Variants in MAGI1 observed in about 807,000 individuals in gnomAD.
MAGI1 encodes membrane-associated guanylate kinase, WW and PDZ domain-containing protein 1.
Under a neutral mutation model 139.9 loss-of-function variants are expected in MAGI1, and 58 were observed. That is an observed-to-expected ratio of 0.41 (90% confidence interval 0.34 to 0.52). The LOEUF (loss-of-function observed/expected upper bound fraction) is 0.52, where lower values mean the gene tolerates loss of function less well. Ranked by LOEUF, MAGI1 falls within the 20% of genes least tolerant of loss-of-function variation. The pLI, the probability that MAGI1 is intolerant of heterozygous loss-of-function variation, is 0.12. For synonymous variants in MAGI1, 812 were observed against 737.9 expected, an observed-to-expected ratio of 1.10 and a Z score of -1.63; for missense variants, 1,874 against 1,901.6, an observed-to-expected ratio of 0.99 and a Z score of 0.27.
At chr3:65,700,531 T>C in intron 1 of MAGI1, among the ~76,000 whole-genome samples, 2 of 152,338 alleles carry the variant, frequency 1.3e-5, no homozygotes, top group East Asian at 3.9e-4. Context: ...TTTTGAATAG[T>C]AATCATACAT....
intron 18 of MAGI1, among the ~76,000 whole-genome samples, chr3:65,368,907 T>C (rs1941701996): frequency 1.3e-5 from 2 of 152,230 alleles, no homozygotes; most frequent in Non-Finnish European, 2.9e-5. Context: ...TTCAATCTGA[T>C]GGTTCCATGT....
intron 2 of MAGI1, among the ~76,000 whole-genome samples, chr3:65,504,207 A>G (rs1031981472): frequency 2.6e-5 from 4 of 152,208 alleles, no homozygotes; most frequent in African/African-American, 4.8e-5. Flanking sequence ...TCTGTAAAAC[A>G]AAAAGGGTAA....
chr3:66,037,833 A>G (rs548800201), intron 1 of MAGI1, among the ~76,000 whole-genome samples, 163 bp downstream of exon 1: 1 of 152,076 alleles, frequency 6.6e-6, no homozygotes, highest in South Asian at 2.1e-4. Context: ...ACAACCCTCA[A>G]CCTCGCAACA....
At chr3:65,699,539 A>C (rs1576789727) in intron 1 of MAGI1, among the ~76,000 whole-genome samples, 2 of 144,118 alleles carry the variant, frequency 1.4e-5, no homozygotes, top group African/African-American at 5.3e-5. Context: ...ATGGAATACT[A>C]TGCAGCCATA....
chr3:66,019,171 G>A (rs1345931179), intron 1 of MAGI1, among the ~76,000 whole-genome samples: 7 of 152,206 alleles, frequency 4.6e-5, no homozygotes, highest in Admixed American at 4.6e-4. Flanking sequence ...ATGGTGATGA[G>A]AGCTAAGAAG....
At chr3:65,691,176 G>A (rs532421527) in intron 1 of MAGI1, among the ~76,000 whole-genome samples, 4 of 151,960 alleles carry the variant, frequency 2.6e-5, no homozygotes, top group South Asian at 2.1e-4. Flanking sequence ...GGTGGCGGGC[G>A]CCTGTAGTCC....
intron 1 of MAGI1, among the ~76,000 whole-genome samples, chr3:65,735,869 C>T (rs936442794): frequency 6.6e-6 from 1 of 152,222 alleles, no homozygotes; most frequent in African/African-American, 2.4e-5. Flanking sequence ...AAGCACTTTA[C>T]AGGCACCATG....
In MAGI1 at chr3:65,946,538, C is replaced by A. The variant is rs117610346; in HGVS notation, c.313+91458G>T. ...GGGTGGCAATGACTTTCAGCATGGA[C>A]GAGAACAGCCACCAAGAGGGGAGAG... On this transcript the variant is annotated intron_variant, in intron 1 of 22. Transcript: ENST00000402939. Among the ~76,000 whole-genome samples, 1,138 of 152,170 alleles carry A rather than the reference C, an allele frequency of 7.5e-3. 10 individuals carry two copies. Among genetic ancestry groups the A allele is most frequent in the East Asian group, 0.042 (219 of 5,164 alleles).
intron 14 of MAGI1, among the ~76,000 whole-genome samples, chr3:65,384,348 T>A (rs1049568120): frequency 6.6e-6 from 1 of 152,190 alleles, no homozygotes; most frequent in Admixed American, 6.5e-5. Context: ...ACGTACAGAT[T>A]TTTTTCTTCT....
rs144230047 is a variant in MAGI1, at chr3:65,712,631, T to A, written c.314-90543A>T. Reference sequence around the variant, plus strand: ...AGTTGAAACAAGTCTCATGCCTCAGTCTCCTGAGTGGCCGGGACTACAGGC... The same window carrying A: ...AGTTGAAACAAGTCTCATGCCTCAGACTCCTGAGTGGCCGGGACTACAGGC... On this transcript the variant is annotated intron_variant, in intron 1 of 22. Transcript: ENST00000402939. Among the ~76,000 whole-genome samples, 1,142 of 151,982 alleles carry A rather than the reference T, an allele frequency of 7.5e-3. 16 individuals carry two copies. Among genetic ancestry groups the A allele is most frequent in the African/African-American group, 0.026 (1,067 of 41,456 alleles).
intron 1 of MAGI1, among the ~76,000 whole-genome samples, chr3:65,700,997 A>T (rs1013817366): frequency 6.6e-6 from 1 of 152,188 alleles, no homozygotes; most frequent in Admixed American, 6.5e-5. Context: ...TTTTAACACA[A>T]TGCGGCCACC....
In MAGI1 at chr3:65,580,554, T is replaced by A. The variant is rs1039590485; in HGVS notation, c.430+41418A>T. ...CTTACTCCTAACACAGGTTATTTTT[T>A]TCAATTAACAAGTCACGCAAACACC... On this transcript the variant is annotated intron_variant, in intron 2 of 22. Transcript: ENST00000402939. 3.9e-5 allele frequency among the ~76,000 whole-genome samples: 6 copies of A among 152,212 alleles called. No individual in the cohort carries two copies. The East Asian group carries it at 5.8e-4, about 15-fold the overall frequency.
intron 1 of MAGI1, among the ~76,000 whole-genome samples, chr3:65,624,705 G>A (rs1365393621): frequency 1.3e-5 from 2 of 152,170 alleles, no homozygotes; most frequent in Non-Finnish European, 2.9e-5. Context: ...TTCCCCATTG[G>A]AAATTGAGAA....
At chr3:65,988,342 G>A (rs1015469795) in intron 1 of MAGI1, among the ~76,000 whole-genome samples, 5 of 152,156 alleles carry the variant, frequency 3.3e-5, no homozygotes, top group Admixed American at 6.5e-5. Flanking sequence ...CAATGTTGGC[G>A]ACTGGCCCCA....
At chr3:65,509,430 G>T (rs1047278054) in intron 2 of MAGI1, among the ~76,000 whole-genome samples, 2 of 152,166 alleles carry the variant, frequency 1.3e-5, no homozygotes, top group South Asian at 2.1e-4. Flanking sequence ...GACAGTGGGC[G>T]CAGGTCAGTG....
Position 65,356,408 on chromosome 3 carries a change from G to T in MAGI1, c.4359C>A (p.Tyr1453Ter). 2 of 1,602,976 alleles carry T rather than the reference G, an allele frequency of 1.2e-6. No homozygotes were observed. The highest frequency in any genetic ancestry group is 1.7e-6 in the Non-Finnish European group (2 of 1,176,506). ...TACTGAGGTCGGTGCTACATTCTTT[G>T]TAAGGTCGCCTTCTCTGCTCCGGGG... ...RHPPEQRRRP[Y>*]KECSTDLSI Residue 1453 changes from tyrosine to a stop codon, truncating the protein, a stop_gained, in exon 23 of 23, where the codon TAC (tyrosine) becomes TAA (stop). Transcript: ENST00000402939. LOFTEE classifies it high-confidence loss of function.
chr3:65,723,855 G>A (rs1441146679), intron 1 of MAGI1, among the ~76,000 whole-genome samples: 3 of 152,218 alleles, frequency 2.0e-5, no homozygotes, highest in Non-Finnish European at 4.4e-5. Flanking sequence ...AGAGCCTCAA[G>A]TATTTAATCT....
chr3:65,875,347 T>G (rs1262457714), intron 1 of MAGI1, among the ~76,000 whole-genome samples: 1 of 152,204 alleles, frequency 6.6e-6, no homozygotes, highest in African/African-American at 2.4e-5. Flanking sequence ...TTTAAAGTAT[T>G]TAGTTGTAAA....
At chr3:65,495,170 A>T (rs1343734616) in intron 2 of MAGI1, among the ~76,000 whole-genome samples, 2 of 152,146 alleles carry the variant, frequency 1.3e-5, no homozygotes, top group Non-Finnish European at 2.9e-5. Context: ...TGGAGTGGGA[A>T]TCCTAGGTTC....
Sources: allele counts gnomAD v4.1 joint callset (sites outside exome capture counted in the v4.1 genomes callset), GRCh38; gene constraint gnomAD v4.1.1; transcripts MANE v1.5; gene names NCBI Gene and HGNC (gene_info 2026-07-23, HGNC 2026-07-21).